The following SELENOT variants were observed in gnomAD, a reference collection of about 807,000 sequenced individuals.
SELENOT encodes the protein selenoprotein T.
In SELENOT, 9 loss-of-function variants were observed where a neutral mutation model predicts 24.3. The ratio of observed to expected loss-of-function variants is 0.37; its 90% CI spans 0.22 to 0.65. SELENOT has a LOEUF of 0.65. Ranked by LOEUF, SELENOT falls within the 30% of genes least tolerant of loss-of-function variation. SELENOT has a pLI of 0.60. For synonymous variants in SELENOT, 81 were observed against 86.0 expected, an observed-to-expected ratio of 0.94 and a Z score of 0.32; for missense variants, 166 against 247.6, an observed-to-expected ratio of 0.67 and a Z score of 2.21.
At chr3:150,617,230 C>T (rs1272772863) in intron 1 of SELENOT, among the ~76,000 whole-genome samples, 2 of 152,028 alleles carry the variant, frequency 1.3e-5, no homozygotes, top group Non-Finnish European at 2.9e-5. Context: ...CTCTTGCCAA[C>T]CTGTGTTTCT....
Position 150,627,148 on chromosome 3 carries a change from C to T in SELENOT, c.*14C>T, listed in dbSNP as rs747777859. ...CATCGATCATAGCACCACCTATCAGCACTGAAAACTCTTTTGTAAGTTGTT... is the reference window on the plus strand; with the variant it reads ...CATCGATCATAGCACCACCTATCAGTACTGAAAACTCTTTTGTAAGTTGTT... On this transcript the variant is annotated 3_prime_UTR_variant, in exon 5 of 6. Transcript: ENST00000471696. 6.8e-6 allele frequency: 11 copies of T among 1,605,990 alleles called. No homozygotes were observed. The highest frequency in any genetic ancestry group is 9.4e-6 in the Non-Finnish European group (11 of 1,175,732).
intron 1 of SELENOT, among the ~76,000 whole-genome samples, chr3:150,605,176 C>T (rs538652467): frequency 1.3e-5 from 2 of 152,128 alleles, no homozygotes; most frequent in South Asian, 2.1e-4. Context: ...TGGTAATCAT[C>T]TTACTAACCT....
In SELENOT at chr3:150,619,269, CG is replaced by C. The variant is rs1271789406; in HGVS notation, c.138-3115del. On this transcript the variant is annotated intron_variant, in intron 1 of 5. Coordinates refer to ENST00000471696, the MANE Select transcript of SELENOT (RefSeq NM_016275.5). The stretch of plus-strand genomic sequence containing the variant: ...CTTTTTGGCTAGGCATGGTGGCTCA[CG>C]CCTGTAATCCCAGCACTTTGGGAAG... Among the ~76,000 whole-genome samples, 5 of 149,642 alleles carry C rather than the reference CG, an allele frequency of 3.3e-5. 1 individual carries two copies. Among genetic ancestry groups the C allele is most frequent in the African/African-American group, 1.2e-4 (5 of 40,578 alleles).
intron 1 of SELENOT, among the ~76,000 whole-genome samples, chr3:150,613,531 T>G (rs1194727564): frequency 6.6e-6 from 1 of 152,140 alleles, no homozygotes; most frequent in Non-Finnish European, 1.5e-5. Flanking sequence ...TTTTGATTTG[T>G]TTCGTGGAGT....
chr3:150,604,708 G>C (rs1725919020), intron 1 of SELENOT, among the ~76,000 whole-genome samples: 1 of 152,008 alleles, frequency 6.6e-6, no homozygotes, highest in African/African-American at 2.4e-5. Flanking sequence ...TTATTTTTTT[G>C]AGTGAAAACT....
intron 1 of SELENOT, among the ~76,000 whole-genome samples, chr3:150,613,992 C>T (rs1349066549): frequency 6.6e-6 from 1 of 151,748 alleles, no homozygotes; most frequent in East Asian, 1.9e-4. Context: ...CATCAAGAGA[C>T]AGTACATTTT....
chr3:150,617,755 A>G (rs1726249515), intron 1 of SELENOT, among the ~76,000 whole-genome samples: 1 of 150,032 alleles, frequency 6.7e-6, no homozygotes, highest in South Asian at 2.1e-4. Context: ...CTACTTGTGT[A>G]GTGTTGTTTA....
At chr3:150,611,811 G>T in intron 1 of SELENOT, 1 of 987,796 alleles carries the variant, frequency 1.0e-6, no homozygotes, top group Non-Finnish European at 1.5e-6. Context: ...TCCCGGACGA[G>T]GCACTGGCGA....
In SELENOT at chr3:150,627,034, A is replaced by C; in HGVS notation, c.488A>C (p.Glu163Ala). ...GATGTACCTGTGTGGTCTAAGCTGG[A>C]ATCTGGTCACCTTCCATCCATGCAA... The part of the protein sequence containing the change: ...LNDVPVWSKL[E>A]SGHLPSMQQL... Residue 163 changes from glutamate to alanine, a missense_variant, in exon 5 of 6, where the codon GAA (glutamate) becomes GCA (alanine). Physicochemically the swap from Glu to Ala is moderately radical, Grantham distance 107. Coordinates refer to ENST00000471696, the MANE Select transcript of SELENOT (RefSeq NM_016275.5). The C allele has an allele frequency of 1.2e-6, 2 of 1,613,208 alleles. No homozygotes were observed. Among genetic ancestry groups the C allele is most frequent in the East Asian group, 2.2e-5 (1 of 44,870 alleles).
rs35489270 is a variant in SELENOT at position 150,621,614 on chromosome 3, C to CTTTTTTT, written c.138-755_138-749dup. 1.4e-3 allele frequency among the ~76,000 whole-genome samples: 115 copies of CTTTTTTT among 80,574 alleles called. 2 individuals carry two copies. The highest frequency in any genetic ancestry group is 0.014 in the Middle Eastern group (1 of 70). 52.9% of individuals were successfully genotyped at this position (80,574 alleles called of 152,430 possible). A position where few individuals can be genotyped will look rare whatever the true frequency, so the allele number is the denominator to read the frequency against. The stretch of plus-strand genomic sequence containing the variant: ...CATATGCACTCTGGTGGCATATTTC[C>CTTTTTTT]TTTTTTTTTTTTTTTTTTTTTTGCT... On this transcript the variant is annotated intron_variant, in intron 1 of 5. Transcript: ENST00000471696.
chr3:150,605,674 T>C (rs1685661796), intron 1 of SELENOT, among the ~76,000 whole-genome samples: 1 of 152,178 alleles, frequency 6.6e-6, no homozygotes, highest in Non-Finnish European at 1.5e-5. Flanking sequence ...AATAACGTTA[T>C]TAATAAGACC....
intron 4 of SELENOT, among the ~76,000 whole-genome samples, chr3:150,625,843 T>A (rs1317953848): frequency 6.6e-6 from 1 of 152,068 alleles, no homozygotes. Flanking sequence ...TACAGAAAAA[T>A]TGACCAATAT....
intron 1 of SELENOT, among the ~76,000 whole-genome samples, chr3:150,614,918 G>C (rs1726177739): frequency 6.7e-6 from 1 of 150,062 alleles, no homozygotes; most frequent in African/African-American, 2.5e-5. Flanking sequence ...ACATTGTGCA[G>C]GTTAGTTACA....
At chr3:150,605,985 A>C (rs1725953067) in intron 1 of SELENOT, among the ~76,000 whole-genome samples, 1 of 152,178 alleles carries the variant, frequency 6.6e-6, no homozygotes. Context: ...AGTGATCATG[A>C]GTATTTTATC....
intron 1 of SELENOT, chr3:150,611,203 A>G: frequency 1.2e-6 from 1 of 836,144 alleles, no homozygotes. Context: ...ACATTTCTAC[A>G]TGTGAAAAAG....
chr3:150,627,554 G>A (rs1224275377), intron 5 of SELENOT, 105 bp from the exon 6 acceptor site: 1 of 154,476 alleles, frequency 6.5e-6, no homozygotes, highest in Non-Finnish European at 1.4e-5. Context: ...TGAACACAGA[G>A]AGGTATTAGT....
intron 1 of SELENOT, 86 bp from the exon 2 acceptor site, chr3:150,622,299 C>A: frequency 1.8e-6 from 1 of 541,760 alleles, no homozygotes; most frequent in South Asian, 6.3e-5. Context: ...AATTTGTAAT[C>A]TTGATAATTT....
Position 150,628,986 on chromosome 3 carries a change from A to G in SELENOT, c.*1357A>G, listed in dbSNP as rs1420450975. 1 of 152,212 alleles carries G rather than the reference A, an allele frequency of 6.6e-6. No individual in the cohort carries two copies. The highest frequency in any genetic ancestry group is 1.5e-5 in the Non-Finnish European group (1 of 68,030). 9.4% of individuals were successfully genotyped at this position (152,212 alleles called of 1,614,324 possible). On this transcript the variant is annotated 3_prime_UTR_variant, in exon 6 of 6. Coordinates refer to ENST00000471696, the MANE Select transcript of SELENOT (RefSeq NM_016275.5). ...TTTGCATTATACTTACCAGTTGGGC[A>G]TCCCAAATCTGAAATCTGAAATGTT...
At chr3:150,607,356 T>C (rs1725989295) in intron 1 of SELENOT, among the ~76,000 whole-genome samples, 1 of 152,250 alleles carries the variant, frequency 6.6e-6, no homozygotes. Context: ...TGGATGTTGA[T>C]ACTCATCAAG....
Sources: gnomAD v4.1 joint callset for allele counts (sites outside exome capture counted in the v4.1 genomes callset) on GRCh38, gnomAD v4.1.1 for gene constraint, MANE v1.5 for transcripts, NCBI Gene and HGNC (gene_info 2026-07-23, HGNC 2026-07-21) for gene names.